Variants in SNTB1 observed in about 807,000 individuals in gnomAD.
SNTB1 encodes the protein beta-1-syntrophin.
Under a neutral mutation model 48.9 loss-of-function variants are expected in SNTB1, and 36 were observed. That is an observed-to-expected ratio of 0.74 (90% confidence interval 0.56 to 0.97). SNTB1 has a LOEUF of 0.97. Ranked by LOEUF, SNTB1 falls within the 50% of genes least tolerant of loss-of-function variation. The pLI, the probability that SNTB1 is intolerant of heterozygous loss-of-function variation, is 0.00. For missense variants in SNTB1, 786 were observed against 703.4 expected, an observed-to-expected ratio of 1.12 and a Z score of -1.33; for synonymous variants, 299 against 294.6, an observed-to-expected ratio of 1.01 and a Z score of -0.15.
intron 2 of SNTB1, among the ~76,000 whole-genome samples, chr8:120,675,856 G>A (rs951419842): frequency 6.6e-6 from 1 of 152,154 alleles, no homozygotes; most frequent in Admixed American, 6.5e-5. Flanking sequence ...ATGAGAATTA[G>A]CATTTCTTGA....
chr8:120,560,248 C>T (rs768585179), intron 4 of SNTB1, among the ~76,000 whole-genome samples: 1 of 152,238 alleles, frequency 6.6e-6, no homozygotes. Flanking sequence ...TTTGGGAGGC[C>T]GAGTCAGGCA....
chr8:120,788,869 A>C, intron 1 of SNTB1, among the ~76,000 whole-genome samples: 1 of 152,062 alleles, frequency 6.6e-6, no homozygotes, highest in South Asian at 2.1e-4. Context: ...ACTGGACTTA[A>C]ACTGTACTCT....
chr8:120,551,662 G>A (rs571361004), intron 4 of SNTB1, among the ~76,000 whole-genome samples: 21 of 146,104 alleles, frequency 1.4e-4, no homozygotes, highest in African/African-American at 5.2e-4. Context: ...GGAGGCAGAG[G>A]TTGCAGTGAG....
chr8:120,624,030 G>A (rs571652288), intron 3 of SNTB1, among the ~76,000 whole-genome samples: 2 of 152,140 alleles, frequency 1.3e-5, no homozygotes, highest in Admixed American at 6.5e-5. Context: ...CTCTGCCTCC[G>A]GGGTTGAAGT....
chr8:120,585,953 T>C (rs2130701282), intron 3 of SNTB1, among the ~76,000 whole-genome samples: 1 of 152,326 alleles, frequency 6.6e-6, no homozygotes, highest in Admixed American at 6.5e-5. Flanking sequence ...TTCGAGATAT[T>C]TGTAGTCTAG....
chr8:120,668,130 A>T (rs1215579085), intron 2 of SNTB1, among the ~76,000 whole-genome samples: 1 of 152,188 alleles, frequency 6.6e-6, no homozygotes, highest in Non-Finnish European at 1.5e-5. Flanking sequence ...CCTTGTGAAC[A>T]GTGGCTGTTT....
intron 5 of SNTB1, among the ~76,000 whole-genome samples, chr8:120,547,319 G>A (rs1815399964): frequency 1.3e-5 from 2 of 152,086 alleles, no homozygotes; most frequent in African/African-American, 4.8e-5. Context: ...TTTCAGGATG[G>A]GTGAGGTGGC....
chr8:120,677,899 T>A (rs1037845553), intron 2 of SNTB1, among the ~76,000 whole-genome samples: 1 of 152,020 alleles, frequency 6.6e-6, no homozygotes, highest in African/African-American at 2.4e-5. Context: ...ATTGATGGAG[T>A]GCTTGAGAAA....
chr8:120,674,354 G>A (rs1365990983), intron 2 of SNTB1, among the ~76,000 whole-genome samples: 3 of 152,202 alleles, frequency 2.0e-5, no homozygotes, highest in East Asian at 3.8e-4. Context: ...CCAGTCACTG[G>A]GTTGGACACT....
chr8:120,649,709 C>T (rs1290985698), intron 2 of SNTB1, among the ~76,000 whole-genome samples: 6 of 152,052 alleles, frequency 3.9e-5, no homozygotes, highest in African/African-American at 1.4e-4. Flanking sequence ...TTCGAGCTTC[C>T]CGGCTGCTTT....
chr8:120,636,898 G>A (rs549054451), intron 2 of SNTB1: 3 of 247,446 alleles, frequency 1.2e-5, no homozygotes, highest in South Asian at 7.5e-5. Context: ...ATAGAGACCC[G>A]AATTTCTGGT....
intron 1 of SNTB1, among the ~76,000 whole-genome samples, chr8:120,770,095 T>C (rs537985100): frequency 1.1e-4 from 16 of 152,340 alleles, no homozygotes; most frequent in South Asian, 1.0e-3. Context: ...ATCCTAGCTG[T>C]CTTTTCTATC....
chr8:120,806,648 A>G (rs1820341609), intron 1 of SNTB1, among the ~76,000 whole-genome samples: 1 of 152,158 alleles, frequency 6.6e-6, no homozygotes, highest in South Asian at 2.1e-4. Flanking sequence ...ATAGGATTTA[A>G]GACAGAATAA....
chr8:120,666,068 T>C (rs191555199), intron 2 of SNTB1, among the ~76,000 whole-genome samples: 41 of 152,376 alleles, frequency 2.7e-4, no homozygotes, highest in Non-Finnish European at 4.6e-4. Flanking sequence ...ATATGAATTT[T>C]AGAATCAGTT....
intron 1 of SNTB1, among the ~76,000 whole-genome samples, chr8:120,794,403 C>T (rs904630450): frequency 6.6e-6 from 1 of 151,960 alleles, no homozygotes; most frequent in Non-Finnish European, 1.5e-5. Flanking sequence ...TTTCAAATGA[C>T]TAACTAGAGG....
In SNTB1 at chr8:120,631,588, CAA is replaced by C. The variant is rs1393009601; in HGVS notation, c.996+854_996+855del. 7.8e-4 allele frequency among the ~76,000 whole-genome samples: 118 copies of C among 152,256 alleles called. 1 individual carries two copies. Among genetic ancestry groups the C allele is most frequent in the Non-Finnish European group, 3.4e-4 (23 of 68,020 alleles). Reference sequence around the variant, plus strand: ...AGTCACTGGGAGGTCAGATTATTCCCAAAGTCCAGTGTTCCTGAGCACTCCAG... The same window carrying C: ...AGTCACTGGGAGGTCAGATTATTCCCAGTCCAGTGTTCCTGAGCACTCCAG... On this transcript the variant is annotated intron_variant, in intron 3 of 6. Coordinates refer to ENST00000517992, the MANE Select transcript of SNTB1 (RefSeq NM_021021.4).
At chr8:120,780,452 A>T (rs781128911) in intron 1 of SNTB1, among the ~76,000 whole-genome samples, 3 of 152,212 alleles carry the variant, frequency 2.0e-5, no homozygotes, top group Non-Finnish European at 4.4e-5. Context: ...AGCAGTGCTC[A>T]AAGAAACCCA....
At chr8:120,767,679 G>C (rs754522494) in intron 1 of SNTB1, among the ~76,000 whole-genome samples, 21 of 152,140 alleles carry the variant, frequency 1.4e-4, no homozygotes, top group Non-Finnish European at 2.5e-4. Context: ...GTGAAATGGA[G>C]ATTATCGTTC....
rs111763981 is a variant in SNTB1, at chr8:120,786,092, G to T, written c.571+25181C>A. On this transcript the variant is annotated intron_variant, in intron 1 of 6. Transcript: ENST00000517992. ...CAGAGCTGACGCAGTACCTGCTGCT[G>T]GGAGACTAGAGGACAGGTTATACCA... is the stretch of plus-strand genomic sequence containing the variant. Among the ~76,000 whole-genome samples, 107 of 152,298 alleles carry T rather than the reference G, an allele frequency of 7.0e-4. 1 individual carries two copies. Among genetic ancestry groups the T allele is most frequent in the Middle Eastern group, 3.4e-3 (1 of 294 alleles).
Sources: allele counts gnomAD v4.1 joint callset (sites outside exome capture counted in the v4.1 genomes callset), GRCh38; gene constraint gnomAD v4.1.1; transcripts MANE v1.5; gene names NCBI Gene and HGNC (gene_info 2026-07-23, HGNC 2026-07-21).